RRM2B: variants seen among roughly 807,000 people sequenced by gnomAD.
RRM2B encodes the protein ribonucleoside-diphosphate reductase subunit M2 B.
A neutral mutation model predicts 45.9 loss-of-function variants in RRM2B; 20 were observed. The ratio of observed to expected loss-of-function variants is 0.44; its 90% CI spans 0.31 to 0.63. The LOEUF is 0.63. Ranked by LOEUF, RRM2B falls within the 30% of genes least tolerant of loss-of-function variation. The pLI is 0.09. For missense variants in RRM2B, 320 were observed against 414.7 expected, an observed-to-expected ratio of 0.77 and a Z score of 1.98; for synonymous variants, 124 against 132.3, an observed-to-expected ratio of 0.94 and a Z score of 0.43.
intron 5 of RRM2B, among the ~76,000 whole-genome samples, chr8:102,222,138 G>A (rs775018069): frequency 3.3e-5 from 5 of 151,108 alleles, no homozygotes; most frequent in Admixed American, 6.6e-5. Flanking sequence ...GCAGCACAGT[G>A]GATCATAGCT....
At chr8:102,210,805 G>A (rs1013028457) in intron 8 of RRM2B, among the ~76,000 whole-genome samples, 4 of 151,996 alleles carry the variant, frequency 2.6e-5, no homozygotes, top group Non-Finnish European at 4.4e-5. Context: ...TTGCTATATT[G>A]CTGAAACTAG....
intron 6 of RRM2B, among the ~76,000 whole-genome samples, chr8:102,215,045 T>TAAAAAA (rs3063793): frequency 1.4e-3 from 84 of 61,760 alleles, no homozygotes; most frequent in East Asian, 3.3e-3. Context: ...AGCTAAATAT[T>TAAAAAA]AAAAAAAAAA....
chr8:102,210,444 A>G (rs1810616232), intron 8 of RRM2B, among the ~76,000 whole-genome samples: 1 of 152,126 alleles, frequency 6.6e-6, no homozygotes, highest in Non-Finnish European at 1.5e-5. Flanking sequence ...AAAACAAACT[A>G]AATTAAGTGG....
At chr8:102,219,122 A>T in intron 5 of RRM2B, 175 bp from the exon 6 acceptor site, 2 of 646,574 alleles carry the variant, frequency 3.1e-6, no homozygotes, top group Admixed American at 2.8e-5. Flanking sequence ...TACCTACTGG[A>T]GCAGAAAGGT....
rs552423700 is a variant in RRM2B, at chr8:102,223,507, A to G, written c.550+539T>C. ...CAAGAGTTCAAGACTAGTCTGGCCA[A>G]CATGGCAAAACCCCCATCTCTATTA... On this transcript the variant is annotated intron_variant, in intron 5 of 8. Transcript: ENST00000251810. Among the ~76,000 whole-genome samples, 15 of 152,266 alleles carry G rather than the reference A, an allele frequency of 9.9e-5. No homozygotes were observed. In the South Asian group the frequency reaches 2.9e-3, roughly 29 times the overall value.
At chr8:102,238,347 T>C in intron 1 of RRM2B, 1 of 365,272 alleles carries the variant, frequency 2.7e-6, no homozygotes, top group Non-Finnish European at 5.2e-6. Context: ...GAGGATTTCG[T>C]GTCCCCTTCT....
At chr8:102,236,496 T>C (rs1042861460) in intron 1 of RRM2B, among the ~76,000 whole-genome samples, 1 of 152,160 alleles carries the variant, frequency 6.6e-6, no homozygotes, top group East Asian at 1.9e-4. Context: ...ATGTGGCAGT[T>C]AGCATGAAAA....
At chr8:102,213,909 T>G in intron 7 of RRM2B, 145 bp downstream of exon 7, 1 of 659,042 alleles carries the variant, frequency 1.5e-6, no homozygotes, top group South Asian at 1.7e-5. Context: ...AATTGTAATA[T>G]ATCATGTATT....
intron 2 of RRM2B, among the ~76,000 whole-genome samples, chr8:102,226,244 C>T (rs28999709): frequency 0.035 from 5,323 of 151,002 alleles, 163 homozygotes; most frequent in Admixed American, 0.085. Context: ...TAGATTACAG[C>T]TATTCTTGGT....
chr8:102,233,411 T>A (rs1332553960), intron 1 of RRM2B, among the ~76,000 whole-genome samples: 2 of 152,238 alleles, frequency 1.3e-5, no homozygotes, highest in Non-Finnish European at 2.9e-5. Context: ...ATACAGCACT[T>A]GAGCCCTGGA....
chr8:102,218,766 C>T (rs748974152), intron 6 of RRM2B, 48 bp downstream of exon 6: 11 of 1,228,496 alleles, frequency 9.0e-6, no homozygotes, highest in South Asian at 6.3e-5. Context: ...AATAGATGAA[C>T]ATCAAATATG....
At chr8:102,214,512 A>G in intron 6 of RRM2B, 1 of 264,984 alleles carries the variant, frequency 3.8e-6, no homozygotes, top group South Asian at 3.9e-5. Context: ...TAATTAAGGA[A>G]TGATTGAAAA....
At chr8:102,215,880 A>C (rs1217029667) in intron 6 of RRM2B, among the ~76,000 whole-genome samples, 2 of 149,366 alleles carry the variant, frequency 1.3e-5, no homozygotes, top group African/African-American at 4.9e-5. Context: ...AGGAGGTCAA[A>C]GCTACAGTGA....
intron 1 of RRM2B, among the ~76,000 whole-genome samples, chr8:102,232,983 C>T (rs1397326712): frequency 2.0e-5 from 3 of 152,286 alleles, no homozygotes; most frequent in East Asian, 3.9e-4. Context: ...CTTCAAAACA[C>T]GATGGCACTC....
rs1324221995 is a variant in RRM2B at position 102,207,112 on chromosome 8, C to A, written c.*1021G>T. The A allele has an allele frequency of 6.6e-6, 1 of 152,172 alleles. No individual in the cohort carries two copies. The highest frequency in any genetic ancestry group is 1.9e-4 in the East Asian group (1 of 5,190). 9.4% of individuals were successfully genotyped at this position (152,172 alleles called of 1,614,324 possible). Reference sequence around the variant, plus strand: ...TGAGATGTTAACAGGTAAAAAACATCTGTGTTAAGTATGTTGGGAATATGC... The same window carrying A: ...TGAGATGTTAACAGGTAAAAAACATATGTGTTAAGTATGTTGGGAATATGC... On this transcript the variant is annotated 3_prime_UTR_variant, in exon 9 of 9. Transcript: ENST00000251810.
At chr8:102,227,568 C>G (rs1207555834) in intron 2 of RRM2B, among the ~76,000 whole-genome samples, 2 of 152,216 alleles carry the variant, frequency 1.3e-5, no homozygotes, top group East Asian at 1.9e-4. Flanking sequence ...TCCCAAAGTG[C>G]TGGGAGTACA....
intron 1 of RRM2B, 48 bp downstream of exon 1, chr8:102,238,779 G>C: frequency 1.2e-6 from 2 of 1,613,436 alleles, no homozygotes; most frequent in Non-Finnish European, 1.7e-6. Flanking sequence ...GCAATCTAAC[G>C]GGCTGGCGTG....
chr8:102,226,614 T>G lies in RRM2B; in HGVS notation c.205-580A>C, dbSNP rs10111605. Among the ~76,000 whole-genome samples the G allele has an allele frequency of 9.3e-3, 1,411 of 152,288 alleles. 18 individuals are homozygous for G. The highest frequency in any genetic ancestry group is 0.032 in the African/African-American group (1,342 of 41,554). ...ATTTTATATAATATGTGCTATGGTG[T>G]TAGATAATTAGGCACCTATTAACCA... is the stretch of plus-strand genomic sequence containing the variant. On this transcript the variant is annotated intron_variant, in intron 2 of 8. Coordinates refer to ENST00000251810, the MANE Select transcript of RRM2B (RefSeq NM_015713.5).
At chr8:102,220,762 A>G (rs1032915610) in intron 5 of RRM2B, among the ~76,000 whole-genome samples, 16 of 152,340 alleles carry the variant, frequency 1.1e-4, no homozygotes, top group African/African-American at 3.6e-4. Flanking sequence ...ACCATGCTAT[A>G]CATTAATGTG....
Sources: gnomAD v4.1 joint callset for allele counts (sites outside exome capture counted in the v4.1 genomes callset) on GRCh38, gnomAD v4.1.1 for gene constraint, MANE v1.5 for transcripts, NCBI Gene and HGNC (gene_info 2026-07-23, HGNC 2026-07-21) for gene names.